Variants in MEGF9 observed in about 807,000 individuals in gnomAD.
MEGF9 encodes the protein multiple EGF like domains 9, also known as multiple epidermal growth factor-like domains protein 9.
A neutral mutation model predicts 46.8 loss-of-function variants in MEGF9; 6 were observed. The observed-to-expected ratio is 0.13, with a 90% CI of 0.07 to 0.25. The LOEUF is 0.25. Ranked by LOEUF, MEGF9 falls within the 10% of genes least tolerant of loss-of-function variation. MEGF9 has a pLI of 1.00. For missense variants in MEGF9, 683 were observed against 792.4 expected (o/e 0.86, Z 1.66); for synonymous variants, 302 against 330.7 (o/e 0.91, Z 0.94).
rs540556729 is a variant in MEGF9, at chr9:120,605,473, G to A, written c.1526C>T (p.Ser509Leu). ...ENSTSALADV[S>L]WTQFNIIILT... Reference sequence around the variant, plus strand: ...AATGATGATGTTAAATTGGGTCCATGATACATCAGCTAAAGCTGAAGTGCT... The same window carrying A: ...AATGATGATGTTAAATTGGGTCCATAATACATCAGCTAAAGCTGAAGTGCT... The change falls in exon 6 of 6, where the codon TCA becomes TTA. Residue 509 changes from serine (S) to leucine (L), a missense_variant. By Grantham distance (145) the Ser-to-Leu change is moderately radical. Around this residue, in one of 2 missense-constraint regions of MEGF9, gnomAD observed 313 missense variants for 421.1 expected, o/e 0.74. Transcript: ENST00000373930. This position sits in a 1 kb window ranked among gnomAD's most constrained non-coding sequence, Gnocchi z 4.0. The A allele has an allele frequency of 6.2e-7, 1 of 1,614,004 alleles. No individual in the cohort carries two copies. The highest frequency in any genetic ancestry group is 2.2e-5 in the East Asian group (1 of 44,888).
At chr9:120,643,420 T>A (rs1207463888) in intron 2 of MEGF9, among the ~76,000 whole-genome samples, 1 of 152,206 alleles carries the variant, frequency 6.6e-6, no homozygotes, top group African/African-American at 2.4e-5. Flanking sequence ...ATGAATTTGA[T>A]TGTACATTCT....
chr9:120,614,445 A>G (rs1383268734), intron 3 of MEGF9, among the ~76,000 whole-genome samples: 1 of 152,198 alleles, frequency 6.6e-6, no homozygotes, highest in Non-Finnish European at 1.5e-5. Context: ...AAGGCCTGAT[A>G]GTGTTAATGA....
At chr9:120,707,268 GA>G (rs1236333221) in intron 1 of MEGF9, among the ~76,000 whole-genome samples, 1 of 152,148 alleles carries the variant, frequency 6.6e-6, no homozygotes, top group Non-Finnish European at 1.5e-5. Flanking sequence ...CTCAATACCA[GA>G]AGCTATGAAA....
intron 1 of MEGF9, among the ~76,000 whole-genome samples, chr9:120,668,604 A>T (rs546497430): frequency 6.6e-6 from 1 of 152,334 alleles, no homozygotes; most frequent in African/African-American, 2.4e-5. Context: ...CACAATTCAG[A>T]GATAATTCAT....
chr9:120,677,038 A>C (rs1425768875), intron 1 of MEGF9, among the ~76,000 whole-genome samples: 2 of 152,194 alleles, frequency 1.3e-5, no homozygotes, highest in African/African-American at 4.8e-5. Flanking sequence ...CTTTAAAAGA[A>C]GGGGAGGAGA....
Position 120,683,633 on chromosome 9 carries a change from A to G in MEGF9, c.602-24058T>C, listed in dbSNP as rs375305529. On this transcript the variant is annotated intron_variant, in intron 1 of 5. Coordinates refer to ENST00000373930, the MANE Select transcript of MEGF9 (RefSeq NM_001080497.3). ...TGGAACTGTGAGTCAATTAAACCTCATTTCTTTATAAATTACCCAGTCTCA... is the reference window on the plus strand; with the variant it reads ...TGGAACTGTGAGTCAATTAAACCTCGTTTCTTTATAAATTACCCAGTCTCA... 2.2e-4 allele frequency among the ~76,000 whole-genome samples: 33 copies of G among 152,308 alleles called. No individual in the cohort carries two copies. The South Asian group carries it at 6.8e-3, about 32-fold the overall frequency.
intron 4 of MEGF9, among the ~76,000 whole-genome samples, chr9:120,610,140 A>G (rs1294144416): frequency 6.6e-6 from 1 of 152,178 alleles, no homozygotes; most frequent in Non-Finnish European, 1.5e-5. Context: ...ACTTTCAGCA[A>G]TAAAAGGTGG....
At chr9:120,639,508 T>TAAAAAA (rs61638928) in intron 2 of MEGF9, among the ~76,000 whole-genome samples, 25 of 105,172 alleles carry the variant, frequency 2.4e-4, no homozygotes, top group African/African-American at 7.3e-4. Context: ...ACTCCGTCTT[T>TAAAAAA]AAAAAAAAAA....
chr9:120,713,311 C>G (rs1335870479), intron 1 of MEGF9, among the ~76,000 whole-genome samples: 2 of 152,196 alleles, frequency 1.3e-5, no homozygotes, highest in African/African-American at 4.8e-5. Flanking sequence ...TTTACATAAA[C>G]AAGAAGAAAT....
chr9:120,641,442 T>G (rs1587981752), intron 2 of MEGF9, among the ~76,000 whole-genome samples: 1 of 152,268 alleles, frequency 6.6e-6, no homozygotes, highest in South Asian at 2.1e-4. Context: ...ACAATTCTCA[T>G]AAAAACAAAG....
intron 1 of MEGF9, among the ~76,000 whole-genome samples, chr9:120,668,633 T>C (rs1334349993): frequency 1.3e-5 from 2 of 152,238 alleles, no homozygotes; most frequent in African/African-American, 2.4e-5. Flanking sequence ...TGAGACAAGA[T>C]GACAAGTTCT....
At chr9:120,705,864 G>C (rs989317813) in intron 1 of MEGF9, among the ~76,000 whole-genome samples, 5 of 150,962 alleles carry the variant, frequency 3.3e-5, no homozygotes, top group Non-Finnish European at 7.4e-5. Flanking sequence ...GATCACAGAA[G>C]AGGTCCCTGT....
chr9:120,668,115 A>G (rs2043733421), intron 1 of MEGF9, among the ~76,000 whole-genome samples: 1 of 152,224 alleles, frequency 6.6e-6, no homozygotes, highest in African/African-American at 2.4e-5. Context: ...TTCAAAATGT[A>G]CTTTTTATTG....
intron 2 of MEGF9, among the ~76,000 whole-genome samples, chr9:120,623,613 A>C (rs1462883019): frequency 6.6e-6 from 1 of 152,242 alleles, no homozygotes; most frequent in Non-Finnish European, 1.5e-5. Context: ...GCATGAATCT[A>C]TGAATCTTAA....
At chr9:120,694,216 G>A (rs1254529264) in intron 1 of MEGF9, among the ~76,000 whole-genome samples, 1 of 152,192 alleles carries the variant, frequency 6.6e-6, no homozygotes, top group Non-Finnish European at 1.5e-5. Flanking sequence ...CCTAGAAAGA[G>A]CTTAAGAAAT....
At chr9:120,631,660 A>T (rs7045193) in intron 2 of MEGF9, among the ~76,000 whole-genome samples, 146,395 of 152,040 alleles carry the variant, frequency 0.96, 70,507 homozygotes, top group East Asian at 1. Flanking sequence ...AATTTTTGTA[A>T]TTTTAGTAGA....
chr9:120,608,482 CA>C (rs1421687340), intron 4 of MEGF9, among the ~76,000 whole-genome samples: 1 of 152,142 alleles, frequency 6.6e-6, no homozygotes, highest in Non-Finnish European at 1.5e-5. Context: ...CCATCCCTCC[CA>C]AACTTAAATG....
At position 120,684,101 on chromosome 9, in the gene MEGF9, G is replaced by C. The variant is rs1265939522; in HGVS notation, c.602-24526C>G. On this transcript the variant is annotated intron_variant, in intron 1 of 5. Coordinates refer to ENST00000373930, the MANE Select transcript of MEGF9 (RefSeq NM_001080497.3). ...ATGGTCATGACCATCTTTAAGAGCA[G>C]TGTGAAGAAAGGACTAGAGAAGGTA... is the stretch of plus-strand genomic sequence containing the variant. Among the ~76,000 whole-genome samples the C allele has an allele frequency of 5.3e-5, 8 of 152,194 alleles. No homozygotes were observed. The East Asian group carries it at 1.5e-3, about 29-fold the overall frequency.
At chr9:120,672,892 G>A (rs1192451353) in intron 1 of MEGF9, among the ~76,000 whole-genome samples, 2 of 152,104 alleles carry the variant, frequency 1.3e-5, no homozygotes, top group Non-Finnish European at 2.9e-5. Context: ...GTGTGGTGGT[G>A]CATGCCTGTA....
Sources: allele counts gnomAD v4.1 joint callset (sites outside exome capture counted in the v4.1 genomes callset), GRCh38; gene constraint gnomAD v4.1.1; regional missense constraint gnomAD v4.1.1; non-coding constraint Gnocchi (gnomAD v3.1); transcripts MANE v1.5; gene names NCBI Gene and HGNC (gene_info 2026-07-23, HGNC 2026-07-21).